TRIM54: variants seen among roughly 807,000 people sequenced by gnomAD.
TRIM54 encodes the protein tripartite motif-containing protein 54.
In TRIM54, 40 loss-of-function variants were observed where a neutral mutation model predicts 42.0. The ratio of observed to expected loss-of-function variants is 0.95; its 90% CI spans 0.74 to 1.24. TRIM54 has a LOEUF of 1.24. Among genes scored for constraint, TRIM54 ranks in the 50% most tolerant of loss-of-function variants. The pLI is 0.00. For missense variants in TRIM54, 485 were observed against 480.3 expected (o/e 1.01, Z -0.09); for synonymous variants, 199 against 194.9 (o/e 1.02, Z -0.17).
At chr2:27,305,379 A>C in intron 4 of TRIM54, 1 of 599,108 alleles carries the variant, frequency 1.7e-6, no homozygotes, top group Non-Finnish European at 3.0e-6. Flanking sequence ...AGGGCTAGGG[A>C]TATAGACAGC....
At chr2:27,294,257 T>TA (rs1558585416) in intron 1 of TRIM54, among the ~76,000 whole-genome samples, 1 of 151,848 alleles carries the variant, frequency 6.6e-6, no homozygotes, top group Non-Finnish European at 1.5e-5. Context: ...GCCTCCCAAA[T>TA]ACCTGGGACT....
chr2:27,299,599 C>T, intron 3 of TRIM54, 183 bp downstream of exon 3: 1 of 1,340,808 alleles, frequency 7.5e-7, no homozygotes. Flanking sequence ...CAGCCTTGAT[C>T]TCCCGAGCTC....
At chr2:27,302,468 CTAAAA>C (rs1221919518) in intron 3 of TRIM54, among the ~76,000 whole-genome samples, 1 of 150,280 alleles carries the variant, frequency 6.7e-6, no homozygotes, top group Non-Finnish European at 1.5e-5. Flanking sequence ...ATAATAATAC[CTAAAA>C]TAAAATAAGT....
Position 27,282,489 on chromosome 2 carries a change from T to C in TRIM54, c.-243T>C, listed in dbSNP as rs1678408959. On this transcript the variant is annotated 5_prime_UTR_variant, in exon 1 of 9. Coordinates refer to ENST00000380075, the MANE Select transcript of TRIM54 (RefSeq NM_187841.3). Reference sequence around the variant, plus strand: ...CATTTGGGAAACAAAAGGAGAATTTTACAGAGAGAGAGGGATAGCTAAAAC... The same window carrying C: ...CATTTGGGAAACAAAAGGAGAATTTCACAGAGAGAGAGGGATAGCTAAAAC... 1 of 331,394 alleles carries C rather than the reference T, an allele frequency of 3.0e-6. No individual in the cohort carries two copies. Among genetic ancestry groups the C allele is most frequent in the African/African-American group, 2.1e-5 (1 of 46,602 alleles). The allele number at this position is 331,394 out of a possible 1,614,324, so 20.5% of individuals were successfully genotyped here.
intron 1 of TRIM54, among the ~76,000 whole-genome samples, chr2:27,289,346 G>A (rs1036309888): frequency 6.6e-6 from 1 of 152,070 alleles, no homozygotes; most frequent in Non-Finnish European, 1.5e-5. Context: ...CTTGGAAGGG[G>A]GCTCTTGTTG....
intron 1 of TRIM54, among the ~76,000 whole-genome samples, chr2:27,286,527 A>G (rs940640342): frequency 3.3e-5 from 5 of 152,150 alleles, no homozygotes; most frequent in African/African-American, 9.7e-5. Context: ...ACATCTTCCC[A>G]TGTGTTTCTG....
At position 27,306,410 on chromosome 2, in the gene TRIM54, C is replaced by T; in HGVS notation, c.992-46C>T. On this transcript the variant is annotated intron_variant, in intron 7 of 8. Transcript: ENST00000380075. This position sits in a 1 kb window ranked among gnomAD's most constrained non-coding sequence, Gnocchi z 6.1. ...GTGGGGGGTGCGGCGGGCACGATGG[C>T]CGTAAAGGCAGGGACTCCACCTCAC... 4 of 1,611,546 alleles carry T rather than the reference C, an allele frequency of 2.5e-6. No homozygotes were observed. The highest frequency in any genetic ancestry group is 3.4e-6 in the Non-Finnish European group (4 of 1,178,844).
intron 1 of TRIM54, among the ~76,000 whole-genome samples, chr2:27,293,544 A>C (rs1252032649): frequency 6.6e-6 from 1 of 152,160 alleles, no homozygotes; most frequent in Non-Finnish European, 1.5e-5. Context: ...GGTTGAAAGC[A>C]GGGCCCTTAT....
chr2:27,284,386 C>G (rs1678499159), intron 1 of TRIM54, among the ~76,000 whole-genome samples: 1 of 152,202 alleles, frequency 6.6e-6, no homozygotes, highest in Admixed American at 6.5e-5. Context: ...GTGACCCACA[C>G]CTTGTGTGTC....
chr2:27,286,371 T>C (rs1678559390), intron 1 of TRIM54, among the ~76,000 whole-genome samples: 1 of 152,108 alleles, frequency 6.6e-6, no homozygotes, highest in Non-Finnish European at 1.5e-5. Flanking sequence ...AACAACTCTT[T>C]CTCTCTGAAT....
intron 1 of TRIM54, among the ~76,000 whole-genome samples, chr2:27,295,676 T>G (rs2148195864): frequency 6.6e-6 from 1 of 152,240 alleles, no homozygotes; most frequent in Non-Finnish European, 1.5e-5. Context: ...AAGGGTGCAG[T>G]GAGGGATGGA....
At position 27,306,129 on chromosome 2, in the gene TRIM54, G is replaced by A; in HGVS notation, c.866+27G>A. The A allele has an allele frequency of 6.2e-7, 1 of 1,614,066 alleles. No individual in the cohort carries two copies. The highest frequency in any genetic ancestry group is 8.5e-7 in the Non-Finnish European group (1 of 1,180,030). On this transcript the variant is annotated intron_variant, in intron 6 of 8. Transcript: ENST00000380075. This position sits in a 1 kb window ranked among gnomAD's most constrained non-coding sequence, Gnocchi z 6.1. Reference sequence around the variant, plus strand: ...TGAGTAGGCATAGCGGGAAGGGAAAGGAGGGGGCTGCACTGCTCCACTGGC... The same window carrying A: ...TGAGTAGGCATAGCGGGAAGGGAAAAGAGGGGGCTGCACTGCTCCACTGGC...
intron 1 of TRIM54, among the ~76,000 whole-genome samples, chr2:27,291,974 A>G (rs2148192681): frequency 6.6e-6 from 1 of 152,048 alleles, no homozygotes; most frequent in Non-Finnish European, 1.5e-5. Flanking sequence ...GCCTCTCCCC[A>G]CCGCCCTGCA....
At chr2:27,300,746 G>A (rs1045340281) in intron 3 of TRIM54, among the ~76,000 whole-genome samples, 8 of 152,080 alleles carry the variant, frequency 5.3e-5, no homozygotes, top group Non-Finnish European at 1.0e-4. Context: ...CATGCCTGTA[G>A]TCCCAGCTAC....
Position 27,307,354 on chromosome 2 carries a change from G to A in TRIM54, c.*469G>A. The stretch of plus-strand genomic sequence containing the variant: ...GCCCGGGGGCCCCACCTTCCCACGG[G>A]TTCCCACGCTGCTGTGACTGCCCTG... On this transcript the variant is annotated 3_prime_UTR_variant, in exon 9 of 9. Coordinates refer to ENST00000380075, the MANE Select transcript of TRIM54 (RefSeq NM_187841.3). This position sits in a 1 kb window ranked among gnomAD's most constrained non-coding sequence, Gnocchi z 6.9. The A allele has an allele frequency of 2.4e-6, 3 of 1,243,722 alleles. No individual in the cohort carries two copies. The highest frequency in any genetic ancestry group is 3.2e-6 in the Non-Finnish European group (3 of 926,450). 77.0% of individuals were successfully genotyped at this position (1,243,722 alleles called of 1,614,324 possible).
At chr2:27,303,123 G>A (rs746635807) in intron 3 of TRIM54, among the ~76,000 whole-genome samples, 5 of 152,130 alleles carry the variant, frequency 3.3e-5, no homozygotes, top group Non-Finnish European at 5.9e-5. Context: ...GAGAAAAGGC[G>A]GAGCTGAAAG....
At chr2:27,283,766 A>ACACGCACGCGCGCGCGCGCGCG (rs1678458319) in intron 1 of TRIM54, among the ~76,000 whole-genome samples, 2 of 88,704 alleles carry the variant, frequency 2.3e-5, no homozygotes, top group African/African-American at 1.3e-4. Context: ...GGGCAAAGGC[A>ACACGCACGCGCGCGCGCGCGCG]CACACACACA....
chr2:27,286,865 A>G (rs1235696147), intron 1 of TRIM54, among the ~76,000 whole-genome samples: 2 of 152,196 alleles, frequency 1.3e-5, no homozygotes, highest in African/African-American at 4.8e-5. Flanking sequence ...GTCATCAGGT[A>G]CAGGCCTGCC....
intron 1 of TRIM54, among the ~76,000 whole-genome samples, chr2:27,296,629 C>T (rs1558586411): frequency 6.6e-6 from 1 of 152,188 alleles, no homozygotes; most frequent in Non-Finnish European, 1.5e-5. Flanking sequence ...AGGGGAGGAG[C>T]AGGGCATGCC....
Sources: gnomAD v4.1 joint callset for allele counts (sites outside exome capture counted in the v4.1 genomes callset) on GRCh38, gnomAD v4.1.1 for gene constraint, Gnocchi (gnomAD v3.1) non-coding constraint, MANE v1.5 for transcripts, NCBI Gene and HGNC (gene_info 2026-07-23, HGNC 2026-07-21) for gene names.